Variants in CSTF3 observed in about 807,000 individuals in gnomAD.
CSTF3 encodes cleavage stimulation factor subunit 3.
CSTF3 carries 29 observed loss-of-function variants against 105.8 expected under a neutral mutation model. The ratio of observed to expected loss-of-function variants is 0.27; its 90% CI spans 0.20 to 0.37. The LOEUF (loss-of-function observed/expected upper bound fraction) is 0.37. Among genes scored for constraint, CSTF3 ranks in the 10% least tolerant of loss-of-function variants. The pLI, the probability that CSTF3 is intolerant of heterozygous loss-of-function variation, is 1.00. For missense variants in CSTF3, 357 were observed against 879.3 expected (o/e 0.41, Z 7.51); for synonymous variants, 252 against 281.9 (o/e 0.89, Z 1.06).
chr11:33,086,442 CTT>C (rs11422800), intron 18 of CSTF3, among the ~76,000 whole-genome samples: 3 of 148,598 alleles, frequency 2.0e-5, no homozygotes, highest in African/African-American at 2.5e-5. Flanking sequence ...AGCAGCATTC[CTT>C]TTTTTTTTTT....
intron 1 of CSTF3, among the ~76,000 whole-genome samples, chr11:33,143,846 C>T (rs987025515): frequency 8.6e-5 from 13 of 151,682 alleles, no homozygotes; most frequent in Non-Finnish European, 1.5e-4. Flanking sequence ...AAAAATTAGC[C>T]GGGCATGGTG....
intron 15 of CSTF3, among the ~76,000 whole-genome samples, chr11:33,092,950 A>T (rs1321273520): frequency 6.6e-6 from 1 of 152,202 alleles, no homozygotes; most frequent in Non-Finnish European, 1.5e-5. Flanking sequence ...GGAAAATGAC[A>T]CTTCTTGCTA....
At chr11:33,113,249 A>G (rs1245977208) in intron 3 of CSTF3, among the ~76,000 whole-genome samples, 7 of 151,922 alleles carry the variant, frequency 4.6e-5, no homozygotes, top group Non-Finnish European at 1.0e-4. Flanking sequence ...AAATAAATGA[A>G]TAAGACCATT....
At chr11:33,132,509 G>A (rs1046796105) in intron 3 of CSTF3, among the ~76,000 whole-genome samples, 2 of 152,144 alleles carry the variant, frequency 1.3e-5, no homozygotes, top group Non-Finnish European at 2.9e-5. Flanking sequence ...CTACAGGCAT[G>A]AACAACTGCG....
intron 3 of CSTF3, among the ~76,000 whole-genome samples, chr11:33,126,408 C>T (rs531865404): frequency 7.9e-5 from 12 of 151,998 alleles, no homozygotes; most frequent in African/African-American, 2.4e-4. Context: ...GGAGTTCAAG[C>T]GACCGCACTC....
chr11:33,142,354 G>C (rs1010458180), intron 1 of CSTF3, among the ~76,000 whole-genome samples: 1 of 152,104 alleles, frequency 6.6e-6, no homozygotes, highest in African/African-American at 2.4e-5. Flanking sequence ...TTAAGTATTT[G>C]GGAGGACATA....
chr11:33,114,607 T>C (rs1855412782), intron 3 of CSTF3, among the ~76,000 whole-genome samples: 1 of 152,158 alleles, frequency 6.6e-6, no homozygotes, highest in Non-Finnish European at 1.5e-5. Context: ...TCCCAGCACT[T>C]TGGGAGGCCG....
intron 3 of CSTF3, among the ~76,000 whole-genome samples, chr11:33,115,358 G>A (rs959859355): frequency 6.6e-6 from 1 of 152,110 alleles, no homozygotes; most frequent in Non-Finnish European, 1.5e-5. Context: ...TCTGCAACCT[G>A]AAAAATATCT....
intron 3 of CSTF3, among the ~76,000 whole-genome samples, chr11:33,121,662 C>A (rs750283971): frequency 9.9e-5 from 15 of 152,136 alleles, no homozygotes; most frequent in Non-Finnish European, 1.8e-4. Flanking sequence ...TAAGAACAGA[C>A]CCTTATGGTG....
intron 1 of CSTF3, among the ~76,000 whole-genome samples, chr11:33,142,476 T>C (rs376504000): frequency 4.9e-4 from 74 of 152,328 alleles, no homozygotes; most frequent in African/African-American, 1.7e-3. Flanking sequence ...TGAGGGACGA[T>C]TGTATTTGTA....
intron 20 of CSTF3, 89 bp from the exon 21 acceptor site, chr11:33,085,378 A>T: frequency 8.7e-7 from 1 of 1,148,712 alleles, no homozygotes; most frequent in South Asian, 1.7e-5. Context: ...TTCATAGCCT[A>T]CTATTTTAGC....
chr11:33,151,542 T>C (rs936539878), intron 1 of CSTF3, among the ~76,000 whole-genome samples: 3 of 152,196 alleles, frequency 2.0e-5, no homozygotes, highest in African/African-American at 7.2e-5. Flanking sequence ...ATATACTAAG[T>C]ACTTTACTTT....
At chr11:33,157,301 G>GCCGAGA (rs1849879393) in intron 1 of CSTF3, among the ~76,000 whole-genome samples, 1 of 152,178 alleles carries the variant, frequency 6.6e-6, no homozygotes, top group Non-Finnish European at 1.5e-5. Flanking sequence ...GTTGCAGTGA[G>GCCGAGA]CCGAGACCGT....
chr11:33,153,996 G>A (rs1011558651), intron 1 of CSTF3, among the ~76,000 whole-genome samples: 1 of 152,164 alleles, frequency 6.6e-6, no homozygotes, highest in African/African-American at 2.4e-5. Context: ...ATATGGGGGT[G>A]GGGAGCAGGT....
At chr11:33,146,268 T>C (rs776090943) in intron 1 of CSTF3, among the ~76,000 whole-genome samples, 1 of 151,622 alleles carries the variant, frequency 6.6e-6, no homozygotes, top group Non-Finnish European at 1.5e-5. Flanking sequence ...AAGAAACTGA[T>C]CAACGTTTAA....
At chr11:33,123,718 AAT>A (rs1286754146) in intron 3 of CSTF3, among the ~76,000 whole-genome samples, 1 of 152,134 alleles carries the variant, frequency 6.6e-6, no homozygotes, top group South Asian at 2.1e-4. Flanking sequence ...AACAAAATGT[AAT>A]AGATATTTAT....
At chr11:33,144,630 A>C (rs12293487) in intron 1 of CSTF3, among the ~76,000 whole-genome samples, 18,974 of 152,212 alleles carry the variant, frequency 0.12, 2,968 homozygotes, top group African/African-American at 0.37. Context: ...AAATAAACTT[A>C]AGAGAGATCA....
Position 33,099,255 on chromosome 11 carries a change from A to G in CSTF3, c.937-105T>C. The stretch of plus-strand genomic sequence containing the variant: ...CTTTATTTTATTTATGTGTCTAAGA[A>G]AGCATACATGTATGTACACACATAT... On this transcript the variant is annotated intron_variant, in intron 11 of 20. Transcript: ENST00000323959. The surrounding 1 kb of genome is among the most constrained non-coding windows in gnomAD (Gnocchi z 4.1). 7.4e-7 allele frequency: 1 copy of G among 1,353,114 alleles called. No individual in the cohort carries two copies. The highest frequency in any genetic ancestry group is 2.6e-5 in the Admixed American group (1 of 39,082). The allele number at this position is 1,353,114 out of a possible 1,614,324, so 83.8% of individuals were successfully genotyped here.
At chr11:33,132,602 G>A (rs1266151121) in intron 3 of CSTF3, among the ~76,000 whole-genome samples, 1 of 152,054 alleles carries the variant, frequency 6.6e-6, no homozygotes, top group Non-Finnish European at 1.5e-5. Flanking sequence ...TAACTATTCT[G>A]TCAACTCAGG....
Sources: gnomAD v4.1 joint callset for allele counts (sites outside exome capture counted in the v4.1 genomes callset) on GRCh38, gnomAD v4.1.1 for gene constraint, Gnocchi (gnomAD v3.1) non-coding constraint, MANE v1.5 for transcripts, NCBI Gene and HGNC (gene_info 2026-07-23, HGNC 2026-07-21) for gene names.